SLC25A44: variants seen among roughly 807,000 people sequenced by gnomAD.
The protein encoded by SLC25A44 is solute carrier family 25, member 44.
A neutral mutation model predicts 29.9 loss-of-function variants in SLC25A44; 17 were observed. The observed-to-expected ratio is 0.57, with a 90% confidence interval of 0.39 to 0.85. The LOEUF (loss-of-function observed/expected upper bound fraction) is 0.85. Ranked by LOEUF, SLC25A44 falls within the 40% of genes least tolerant of loss-of-function variation. The pLI is 0.00. For synonymous variants in SLC25A44, 140 were observed against 151.8 expected (o/e 0.92, Z 0.57); for missense variants, 302 against 398.4 (o/e 0.76, Z 2.06).
At chr1:156,202,947 T>C (rs1040148161) in intron 2 of SLC25A44, among the ~76,000 whole-genome samples, 4 of 152,222 alleles carry the variant, frequency 2.6e-5, no homozygotes, top group Non-Finnish European at 5.9e-5. Context: ...CTGGTGAAAC[T>C]TAATTGCTCA....
At position 156,210,503 on chromosome 1, in the gene SLC25A44, C is replaced by T. The variant is rs909256366; in HGVS notation, c.*72C>T. 5 of 1,166,160 alleles carry T rather than the reference C, an allele frequency of 4.3e-6. No homozygotes were observed. The highest frequency in any genetic ancestry group is 4.7e-6 in the Non-Finnish European group (4 of 843,712). 72.2% of individuals were successfully genotyped at this position (1,166,160 alleles called of 1,614,324 possible). On this transcript the variant is annotated 3_prime_UTR_variant, in exon 4 of 4. Coordinates refer to ENST00000359511, the MANE Select transcript of SLC25A44 (RefSeq NM_014655.4). ...CAGGGGCAGAGTGGAGAGGACAGCACCCTCTCCAGGTGCTCCCACCACACA... is the reference window on the plus strand; with the variant it reads ...CAGGGGCAGAGTGGAGAGGACAGCATCCTCTCCAGGTGCTCCCACCACACA...
At chr1:156,203,773 G>A (rs1341345777) in intron 2 of SLC25A44, among the ~76,000 whole-genome samples, 5 of 139,256 alleles carry the variant, frequency 3.6e-5, no homozygotes, top group Non-Finnish European at 7.5e-5. Context: ...GCGCGATCTC[G>A]GCTCACTGCA....
At position 156,210,656 on chromosome 1, in the gene SLC25A44, TC is replaced by T; in HGVS notation, c.*228del. On this transcript the variant is annotated 3_prime_UTR_variant, in exon 4 of 4. Transcript: ENST00000359511. The stretch of plus-strand genomic sequence containing the variant: ...TTTAAAATTCTCTTCTGAGCTGGGC[TC>T]CCTCACTCAGTCCCTGTATTTGATA... 2.9e-6 allele frequency: 1 copy of T among 344,464 alleles called. No homozygotes were observed. The allele number at this position is 344,464 out of a possible 1,614,324, so 21.3% of individuals were successfully genotyped here.
At chr1:156,203,958 C>A (rs1035206885) in intron 2 of SLC25A44, among the ~76,000 whole-genome samples, 5 of 151,846 alleles carry the variant, frequency 3.3e-5, no homozygotes, top group Admixed American at 1.3e-4. Flanking sequence ...CCCGCCTCGG[C>A]CTCCCGAAGT....
At chr1:156,205,748 G>A (rs1365178925) in intron 2 of SLC25A44, among the ~76,000 whole-genome samples, 1 of 152,104 alleles carries the variant, frequency 6.6e-6, no homozygotes, top group East Asian at 1.9e-4. Flanking sequence ...ACATAGCTGT[G>A]TATTTTGCTT....
intron 2 of SLC25A44, 101 bp downstream of exon 2, chr1:156,200,573 G>A: frequency 1.9e-6 from 2 of 1,078,730 alleles, no homozygotes; most frequent in South Asian, 1.5e-5. Flanking sequence ...GATTTAATGG[G>A]GGAATGGGTC....
At position 156,199,875 on chromosome 1, in the gene SLC25A44, A is replaced by G. The variant is rs1294566718; in HGVS notation, c.28A>G (p.Ile10Val). Residue 10 changes from isoleucine (I) to valine (V), a missense_variant, in exon 2 of 4, where the codon ATC becomes GTC. Transcript: ENST00000359511. Reference protein sequence around the residue: MEDKRNIQIIEWEHLDKKKF... With the variant: MEDKRNIQIVEWEHLDKKKF... ...GGAGGACAAACGCAACATCCAGATC[A>G]TCGAGTGGGAACACCTGGACAAGAA... 2 of 1,613,852 alleles carry G rather than the reference A, an allele frequency of 1.2e-6. No individual in the cohort carries two copies. The highest frequency in any genetic ancestry group is 2.2e-5 in the East Asian group (1 of 44,884).
intron 1 of SLC25A44, among the ~76,000 whole-genome samples, chr1:156,195,397 G>A (rs1210655538): frequency 6.6e-6 from 1 of 152,090 alleles, no homozygotes; most frequent in African/African-American, 2.4e-5. Flanking sequence ...CCTCACCTCA[G>A]TTCTCGGAAG....
chr1:156,196,816 C>T (rs1428447571), intron 1 of SLC25A44: 1 of 152,256 alleles, frequency 6.6e-6, no homozygotes, highest in Non-Finnish European at 1.5e-5. Flanking sequence ...TTATGCTTAA[C>T]TGTTGAGTGA....
chr1:156,209,512 TC>T (rs1053609405), intron 3 of SLC25A44, among the ~76,000 whole-genome samples: 2 of 152,152 alleles, frequency 1.3e-5, no homozygotes, highest in Non-Finnish European at 2.9e-5. Context: ...AGTGAGTCTG[TC>T]CTGTATTGGC....
chr1:156,204,825 G>A (rs1007019259), intron 2 of SLC25A44, among the ~76,000 whole-genome samples: 1 of 151,946 alleles, frequency 6.6e-6, no homozygotes, highest in African/African-American at 2.4e-5. Context: ...GGAGAAACAG[G>A]ATACCAGTGA....
chr1:156,203,480 G>T lies in SLC25A44; in HGVS notation c.625+3008G>T, dbSNP rs537816273. 6.6e-5 allele frequency among the ~76,000 whole-genome samples: 10 copies of T among 152,210 alleles called. No homozygotes were observed. In the East Asian group the frequency reaches 1.5e-3, roughly 23 times the overall value. On this transcript the variant is annotated intron_variant, in intron 2 of 3. Coordinates refer to ENST00000359511, the MANE Select transcript of SLC25A44 (RefSeq NM_014655.4). ...TGTTCTATGTCTGGTACTTATCATG[G>T]TGCCTGGCATCTATTATTAAGTACT...
chr1:156,201,613 TCTTCTTC>T (rs1303239062), intron 2 of SLC25A44, among the ~76,000 whole-genome samples: 2 of 152,136 alleles, frequency 1.3e-5, no homozygotes, highest in Admixed American at 6.5e-5. Flanking sequence ...TCTGCTTTCT[TCTTCTTC>T]CTTCTTCCTC....
At chr1:156,197,014 C>G (rs909614435) in intron 1 of SLC25A44, 1 of 152,216 alleles carries the variant, frequency 6.6e-6, no homozygotes, top group Non-Finnish European at 1.5e-5. Flanking sequence ...TACTTTTAAC[C>G]TACCTGACCC....
In SLC25A44 at chr1:156,211,088, GTGT is replaced by G; in HGVS notation, c.*658_*660del. 6.6e-6 allele frequency: 1 copy of G among 152,158 alleles called. No homozygotes were observed. Among genetic ancestry groups the G allele is most frequent in the Non-Finnish European group, 1.4e-5 (1 of 69,270 alleles). 9.4% of individuals were successfully genotyped at this position (152,158 alleles called of 1,614,324 possible). A position where few individuals can be genotyped will look rare whatever the true frequency, so the allele number is the denominator to read the frequency against. ...TGTGTGTGTGTGTGTGTGTGTGTGT[GTGT>G]GTGTGTGTGTTTTAACATCTGTGAA... On this transcript the variant is annotated 3_prime_UTR_variant, in exon 4 of 4. Transcript: ENST00000359511.
chr1:156,208,320 T>C (rs1331664366), intron 3 of SLC25A44, among the ~76,000 whole-genome samples: 1 of 152,102 alleles, frequency 6.6e-6, no homozygotes, highest in Non-Finnish European at 1.5e-5. Flanking sequence ...AATAAAAAAT[T>C]AGCTGGGTGT....
Position 156,211,056 on chromosome 1 carries a change from T to TTTG in SLC25A44, c.*626_*627insTGT, listed in dbSNP as rs879145180. The stretch of plus-strand genomic sequence containing the variant: ...TGGGAGAAATGTTGATACTTTTGTT[T>TTTG]TGTGTGTGTGTGTGTGTGTGTGTGT... On this transcript the variant is annotated 3_prime_UTR_variant, in exon 4 of 4. Coordinates refer to ENST00000359511, the MANE Select transcript of SLC25A44 (RefSeq NM_014655.4). 7.2e-6 allele frequency: 1 copy of TTTG among 138,864 alleles called. No individual in the cohort carries two copies. The highest frequency in any genetic ancestry group is 1.6e-5 in the Non-Finnish European group (1 of 64,456). 8.6% of individuals were successfully genotyped at this position (138,864 alleles called of 1,614,324 possible). A position where few individuals can be genotyped will look rare whatever the true frequency, so the allele number is the denominator to read the frequency against.
At chr1:156,207,162 A>C (rs563773365) in intron 2 of SLC25A44, among the ~76,000 whole-genome samples, 2 of 148,540 alleles carry the variant, frequency 1.3e-5, no homozygotes, top group South Asian at 2.1e-4. Context: ...ACATAGTGAG[A>C]CTCTCTATAC....
At chr1:156,194,830 G>A (rs957077881) in intron 1 of SLC25A44, among the ~76,000 whole-genome samples, 5 of 152,118 alleles carry the variant, frequency 3.3e-5, no homozygotes, top group African/African-American at 9.7e-5. Context: ...GGGACCCATG[G>A]GTGTCTTGTC....
Sources: gnomAD v4.1 joint callset for allele counts (sites outside exome capture counted in the v4.1 genomes callset) on GRCh38, gnomAD v4.1.1 for gene constraint, MANE v1.5 for transcripts, NCBI Gene and HGNC (gene_info 2026-07-23, HGNC 2026-07-21) for gene names.